RIBC2: variants seen among roughly 807,000 people sequenced by gnomAD.
RIBC2 encodes the protein RIB43A domain with coiled-coils 2, also known as RIB43A-like with coiled-coils protein 2.
A neutral mutation model predicts 44.3 loss-of-function variants in RIBC2; 40 were observed. That is an observed-to-expected ratio of 0.90 (90% CI 0.70 to 1.18). RIBC2 has a LOEUF of 1.18. Ranked by LOEUF, RIBC2 falls within the 50% of genes most tolerant of loss-of-function variation. The pLI is 0.00. For synonymous variants in RIBC2, 171 were observed against 175.0 expected, an observed-to-expected ratio of 0.98 and a Z score of 0.18; for missense variants, 459 against 485.5, an observed-to-expected ratio of 0.95 and a Z score of 0.51.
At chr22:45,424,493 A>G (rs894333324) in intron 4 of RIBC2, among the ~76,000 whole-genome samples, 5 of 152,242 alleles carry the variant, frequency 3.3e-5, no homozygotes, top group Non-Finnish European at 7.3e-5. Flanking sequence ...TGTGTCGGTC[A>G]GAATGTGCTA....
At chr22:45,421,339 T>C (rs1017982469) in intron 3 of RIBC2, among the ~76,000 whole-genome samples, 1 of 147,092 alleles carries the variant, frequency 6.8e-6, no homozygotes, top group Non-Finnish European at 1.5e-5. Flanking sequence ...TTATTAATAA[T>C]AATAATTAAA....
intron 3 of RIBC2, among the ~76,000 whole-genome samples, chr22:45,419,758 G>A (rs1043817054): frequency 2.0e-5 from 3 of 151,974 alleles, no homozygotes; most frequent in Non-Finnish European, 4.4e-5. Context: ...CGGGCACAGT[G>A]GCTCATGCCT....
At chr22:45,418,283 G>A (rs2087446083) in intron 3 of RIBC2, 1 of 184,092 alleles carries the variant, frequency 5.4e-6, no homozygotes, top group African/African-American at 2.4e-5. Flanking sequence ...AGTCTGCGGG[G>A]AAGGTGAATG....
At chr22:45,414,226 A>G (rs1003727307) in intron 1 of RIBC2, 96 bp from the exon 2 acceptor site, 5 of 1,495,776 alleles carry the variant, frequency 3.3e-6, no homozygotes, top group Non-Finnish European at 4.4e-6. Flanking sequence ...ACTCGTTTAC[A>G]GTGGGGCAGA....
At chr22:45,419,936 A>G (rs1602113769) in intron 3 of RIBC2, among the ~76,000 whole-genome samples, 1 of 152,060 alleles carries the variant, frequency 6.6e-6, no homozygotes, top group Admixed American at 6.6e-5. Flanking sequence ...TGAGGCAGGA[A>G]AATGGCGTGA....
chr22:45,422,435 C>T lies in RIBC2; in HGVS notation c.675+27C>T, dbSNP rs139795049. 31 of 1,529,268 alleles carry T rather than the reference C, an allele frequency of 2.0e-5. No homozygotes were observed. In the East Asian group the frequency reaches 2.3e-4, roughly 11 times the overall value. 94.7% of individuals were successfully genotyped at this position (1,529,268 alleles called of 1,614,324 possible). On this transcript the variant is annotated intron_variant, in intron 4 of 6. Transcript: ENST00000614167. ...TATAGGTACTCCGCGACCTCGGGCT[C>T]GACGACTGGAGGGGAGGATGAGCCC... is the stretch of plus-strand genomic sequence containing the variant.
chr22:45,430,851 T>C, intron 5 of RIBC2, 49 bp from the exon 6 acceptor site: 1 of 1,490,900 alleles, frequency 6.7e-7, no homozygotes, highest in East Asian at 2.4e-5. Flanking sequence ...CCCCTGGGGT[T>C]CTTTGGCTCT....
At chr22:45,424,124 C>T (rs1369061529) in intron 4 of RIBC2, among the ~76,000 whole-genome samples, 1 of 152,238 alleles carries the variant, frequency 6.6e-6, no homozygotes, top group Non-Finnish European at 1.5e-5. Flanking sequence ...AGACCCCCGG[C>T]TCCTCACGTG....
chr22:45,414,526 G>C (rs1026576441), intron 2 of RIBC2, 123 bp downstream of exon 2: 1 of 592,380 alleles, frequency 1.7e-6, no homozygotes, highest in Non-Finnish European at 2.7e-6. Context: ...ATTTAATAGA[G>C]ATAGGGTCTC....
Position 45,417,940 on chromosome 22 carries a change from T to C in RIBC2, c.550T>C (p.Cys184Arg), listed in dbSNP as rs2087441769. Residue 184 changes from cysteine (C) to arginine (R), a missense_variant, in exon 3 of 7, where the codon TGC becomes CGC. Transcript: ENST00000614167. ...EWKNARAEQKCAEALYTETRL... is the reference protein window; with the variant it reads ...EWKNARAEQKRAEALYTETRL... ...GAAGAACGCCCGTGCTGAACAAAAA[T>C]GCGCAGGTAATGAAACAGAAGAGAC... The C allele has an allele frequency of 1.3e-6, 2 of 1,593,276 alleles. No individual in the cohort carries two copies. The highest frequency in any genetic ancestry group is 2.3e-5 in the East Asian group (1 of 44,406).
At chr22:45,415,560 G>C (rs1041392814) in intron 2 of RIBC2, among the ~76,000 whole-genome samples, 1 of 151,718 alleles carries the variant, frequency 6.6e-6, no homozygotes, top group Non-Finnish European at 1.5e-5. Flanking sequence ...ATTGGCTTCA[G>C]ATATCTTCAG....
At chr22:45,425,337 G>A (rs547007711) in intron 4 of RIBC2, among the ~76,000 whole-genome samples, 1 of 152,258 alleles carries the variant, frequency 6.6e-6, no homozygotes, top group African/African-American at 2.4e-5. Flanking sequence ...TGTTACTGAG[G>A]ACAACTGTAA....
chr22:45,414,570 G>A (rs1029993955), intron 2 of RIBC2, among the ~76,000 whole-genome samples, 167 bp downstream of exon 2: 3 of 151,036 alleles, frequency 2.0e-5, no homozygotes, highest in Non-Finnish European at 4.4e-5. Flanking sequence ...GAACTCCTGC[G>A]TGCAAGTGAT....
At chr22:45,422,261 C>T in intron 3 of RIBC2, 29 bp from the exon 4 acceptor site, 4 of 1,555,548 alleles carry the variant, frequency 2.6e-6, no homozygotes, top group Middle Eastern at 1.7e-4. Context: ...GTGGCCAGGT[C>T]GATCTGATTG....
intron 2 of RIBC2, among the ~76,000 whole-genome samples, chr22:45,417,166 G>A (rs1212598312): frequency 6.6e-6 from 1 of 152,134 alleles, no homozygotes; most frequent in Non-Finnish European, 1.5e-5. Context: ...CTCCCAAAGT[G>A]TTGGGATTAC....
chr22:45,430,105 G>A (rs992809519), intron 5 of RIBC2, among the ~76,000 whole-genome samples: 1 of 152,192 alleles, frequency 6.6e-6, no homozygotes, highest in Non-Finnish European at 1.5e-5. Context: ...TGAGAGCAGG[G>A]TGACTTGCCT....
At position 45,425,966 on chromosome 22, in the gene RIBC2, A is replaced by AGGAAAAAGCAAG; in HGVS notation, c.695_706dup (p.Gln235_Glu236insGlyLysLysGln). The stretch of plus-strand genomic sequence containing the variant: ...TGCTTAGGCCATCGAGTCAGTGGAA[A>AGGAAAAAGCAAG]GGAAAAAGCAAGAGAAAAAGCAAGA... On this transcript the variant is annotated inframe_insertion, in exon 5 of 7. Coordinates refer to ENST00000614167, the MANE Select transcript of RIBC2 (RefSeq NM_015653.5). 1 of 1,613,878 alleles carries AGGAAAAAGCAAG rather than the reference A, an allele frequency of 6.2e-7. No individual in the cohort carries two copies. The highest frequency in any genetic ancestry group is 8.5e-7 in the Non-Finnish European group (1 of 1,179,924).
In RIBC2 at chr22:45,421,514, T is replaced by TTAA. The variant is rs201163192; in HGVS notation, c.557-764_557-762dup. 1.2e-3 allele frequency among the ~76,000 whole-genome samples: 78 copies of TTAA among 62,858 alleles called. 3 individuals carry two copies. Among genetic ancestry groups the TTAA allele is most frequent in the Admixed American group, 4.6e-3 (29 of 6,280 alleles). The allele number at this position is 62,858 out of a possible 152,430, so 41.2% of individuals were successfully genotyped here. ...ATTATTATTATTAATAATAGTATTA[T>TTAA]TAATAATAATAATAGTATTATTAAT... On this transcript the variant is annotated intron_variant, in intron 3 of 6. Transcript: ENST00000614167.
At chr22:45,418,004 C>A in intron 3 of RIBC2, 58 bp downstream of exon 3, 1 of 827,610 alleles carries the variant, frequency 1.2e-6, no homozygotes, top group Non-Finnish European at 1.7e-6. Context: ...ACCAACCCTA[C>A]AGTTTTTTTT....
Sources: gnomAD v4.1 joint callset for allele counts (sites outside exome capture counted in the v4.1 genomes callset) on GRCh38, gnomAD v4.1.1 for gene constraint, MANE v1.5 for transcripts, NCBI Gene and HGNC (gene_info 2026-07-23, HGNC 2026-07-21) for gene names.